SPAG16: variants seen among roughly 807,000 people sequenced by gnomAD.
SPAG16 encodes the protein sperm associated antigen 16.
Under a neutral mutation model 80.4 loss-of-function variants are expected in SPAG16, and 86 were observed. The observed-to-expected ratio is 1.07, with a 90% CI of 0.90 to 1.28. SPAG16 has a LOEUF of 1.28. SPAG16 is among the 50% of genes most tolerant of loss of function. SPAG16 has a pLI of 0.00. For missense variants in SPAG16, 870 were observed against 765.3 expected, an observed-to-expected ratio of 1.14 and a Z score of -1.61; for synonymous variants, 294 against 265.9, an observed-to-expected ratio of 1.11 and a Z score of -1.03.
chr2:213,374,439 A>G (rs2066788848), intron 8 of SPAG16, among the ~76,000 whole-genome samples: 1 of 152,080 alleles, frequency 6.6e-6, no homozygotes, highest in South Asian at 2.1e-4. Context: ...TGTATGTATT[A>G]TATGTAGAAA....
chr2:213,639,270 C>T (rs140491652), intron 10 of SPAG16, among the ~76,000 whole-genome samples: 3 of 152,274 alleles, frequency 2.0e-5, no homozygotes, highest in South Asian at 2.1e-4. Context: ...AGGTACTATT[C>T]TATTCACCAT....
At chr2:214,166,419 G>C (rs568664446) in intron 15 of SPAG16, among the ~76,000 whole-genome samples, 1 of 152,100 alleles carries the variant, frequency 6.6e-6, no homozygotes, top group South Asian at 2.1e-4. Flanking sequence ...CCACGCCCCC[G>C]GGCTCGGGTG....
intron 14 of SPAG16, among the ~76,000 whole-genome samples, chr2:214,112,853 A>T (rs1182907602): frequency 6.6e-6 from 1 of 151,830 alleles, no homozygotes; most frequent in Non-Finnish European, 1.5e-5. Flanking sequence ...TGTGAATTTG[A>T]TCCTGTCTTT....
At chr2:213,516,332 A>G (rs1210413484) in intron 10 of SPAG16, among the ~76,000 whole-genome samples, 2 of 152,172 alleles carry the variant, frequency 1.3e-5, no homozygotes, top group African/African-American at 4.8e-5. Flanking sequence ...TCCCTTCAAT[A>G]AGTGCCCATA....
chr2:214,111,081 G>A (rs1030329117), intron 14 of SPAG16, among the ~76,000 whole-genome samples: 2 of 152,056 alleles, frequency 1.3e-5, no homozygotes, highest in Non-Finnish European at 2.9e-5. Context: ...CCTGTAGGTT[G>A]CCTGTTCACT....
At chr2:213,670,198 A>G (rs961880718) in intron 10 of SPAG16, among the ~76,000 whole-genome samples, 2 of 151,728 alleles carry the variant, frequency 1.3e-5, no homozygotes, top group Non-Finnish European at 2.9e-5. Context: ...GGATTTCACC[A>G]TGTTAGCCAG....
At chr2:214,044,406 A>C (rs571045326) in intron 13 of SPAG16, among the ~76,000 whole-genome samples, 2 of 152,334 alleles carry the variant, frequency 1.3e-5, no homozygotes, top group Non-Finnish European at 1.5e-5. Context: ...CTCTGAAGTC[A>C]CGTCCACCCC....
intron 10 of SPAG16, among the ~76,000 whole-genome samples, chr2:213,570,011 GTT>G (rs1223097896): frequency 8.6e-5 from 8 of 93,504 alleles, no homozygotes; most frequent in African/African-American, 4.6e-4. Context: ...AGATTTTCTA[GTT>G]TATTTGCGTA....
At chr2:213,791,883 T>C (rs186136302) in intron 10 of SPAG16, among the ~76,000 whole-genome samples, 31 of 152,310 alleles carry the variant, frequency 2.0e-4, no homozygotes, top group Admixed American at 9.8e-4. Context: ...CATGAATAAA[T>C]GTTTTAAATA....
At chr2:213,748,729 T>A (rs943791264) in intron 10 of SPAG16, among the ~76,000 whole-genome samples, 1 of 152,188 alleles carries the variant, frequency 6.6e-6, no homozygotes, top group African/African-American at 2.4e-5. Context: ...AGATGATCAA[T>A]TTAATTCTTT....
At chr2:213,668,306 A>G (rs539960933) in intron 10 of SPAG16, among the ~76,000 whole-genome samples, 91 of 130,834 alleles carry the variant, frequency 7.0e-4, no homozygotes, top group Non-Finnish European at 1.2e-3. Context: ...GTTAGTACTC[A>G]TATGGGTGCT....
chr2:214,263,084 C>G (rs1345141066), intron 15 of SPAG16, among the ~76,000 whole-genome samples: 1 of 152,036 alleles, frequency 6.6e-6, no homozygotes, highest in African/African-American at 2.4e-5. Flanking sequence ...CAATTAAGAT[C>G]TACTCTTTAA....
chr2:214,139,980 T>C (rs1023403962), intron 14 of SPAG16, among the ~76,000 whole-genome samples: 2 of 152,352 alleles, frequency 1.3e-5, no homozygotes, highest in East Asian at 3.9e-4. Context: ...TACTTGAAGA[T>C]GTCCTGCCAT....
At chr2:214,327,877 G>A (rs1261864930) in intron 15 of SPAG16, among the ~76,000 whole-genome samples, 1 of 152,132 alleles carries the variant, frequency 6.6e-6, no homozygotes, top group Non-Finnish European at 1.5e-5. Flanking sequence ...TTGGCCTGCA[G>A]GGGAATTTGC....
At chr2:213,846,379 A>G (rs965379775) in intron 10 of SPAG16, among the ~76,000 whole-genome samples, 1 of 151,758 alleles carries the variant, frequency 6.6e-6, no homozygotes, top group East Asian at 1.9e-4. Context: ...ACCTGAAGAA[A>G]CTCCTCTTAG....
In SPAG16 at chr2:213,947,062, T is replaced by G. The variant is rs781492806; in HGVS notation, c.1400+16917T>G. On this transcript the variant is annotated intron_variant, in intron 12 of 15. Transcript: ENST00000331683. ...CTTTTTATTGCTGAATAATAGTCTA[T>G]TGTATATAAACATCATAGTTTATTT... Among the ~76,000 whole-genome samples the G allele has an allele frequency of 2.0e-5, 3 of 152,278 alleles. No individual in the cohort carries two copies. In the South Asian group the frequency reaches 6.2e-4, roughly 32 times the overall value.
intron 15 of SPAG16, among the ~76,000 whole-genome samples, chr2:214,251,445 T>C (rs1049615718): frequency 6.6e-6 from 1 of 152,134 alleles, no homozygotes; most frequent in Non-Finnish European, 1.5e-5. Context: ...AAATCTTTAA[T>C]AACCTTAATA....
chr2:213,672,859 G>GTTTTTTTTTTTTTT (rs750046794), intron 10 of SPAG16, among the ~76,000 whole-genome samples: 29 of 124,406 alleles, frequency 2.3e-4, no homozygotes, highest in Non-Finnish European at 3.8e-4. Flanking sequence ...TATTTTGTTT[G>GTTTTTTTTTTTTTT]TTTTTTTTTT....
At position 214,227,361 on chromosome 2, in the gene SPAG16, G is replaced by A. The variant is rs143063940; in HGVS notation, c.1720+78095G>A. Among the ~76,000 whole-genome samples the A allele has an allele frequency of 8.0e-4, 122 of 152,090 alleles. 2 individuals carry two copies. The highest frequency in any genetic ancestry group is 6.8e-3 in the Middle Eastern group (2 of 294). On this transcript the variant is annotated intron_variant, in intron 15 of 15. Coordinates refer to ENST00000331683, the MANE Select transcript of SPAG16 (RefSeq NM_024532.5). ...TTTACTACAAATATACCTAAAATCT[G>A]CTTTAGACAAGAGAGAATTAAGTAA... is the stretch of plus-strand genomic sequence containing the variant.
Sources: allele counts gnomAD v4.1 joint callset (sites outside exome capture counted in the v4.1 genomes callset), GRCh38; gene constraint gnomAD v4.1.1; transcripts MANE v1.5; gene names NCBI Gene and HGNC (gene_info 2026-07-23, HGNC 2026-07-21).